The following PPP2R5B variants were observed in gnomAD, a reference collection of about 807,000 sequenced individuals.
PPP2R5B encodes serine/threonine-protein phosphatase 2A 56 kDa regulatory subunit beta isoform.
Under a neutral mutation model 59.9 loss-of-function variants are expected in PPP2R5B, and 19 were observed. The observed-to-expected ratio is 0.32, with a 90% CI of 0.22 to 0.47. PPP2R5B has a LOEUF of 0.47. Among genes scored for constraint, PPP2R5B ranks in the 20% least tolerant of loss-of-function variants. PPP2R5B has a pLI of 1.00. For synonymous variants in PPP2R5B, 286 were observed against 260.5 expected, an observed-to-expected ratio of 1.10 and a Z score of -0.94; for missense variants, 441 against 640.2, an observed-to-expected ratio of 0.69 and a Z score of 3.36.
At chr11:64,927,981 T>C in intron 4 of PPP2R5B, 78 bp downstream of exon 4, 4 of 1,567,752 alleles carry the variant, frequency 2.6e-6, no homozygotes, top group South Asian at 1.1e-5. Context: ...CCTTAGCCCC[T>C]AGACAGTTGG....
In PPP2R5B at chr11:64,925,246, GA is replaced by G. The variant is rs1432222084; in HGVS notation, c.-265+219del. ...ATTCTGAGTCGGGGCTGGCTTGGGG[GA>G]TAGGCCCTATTCTGGGAGGGGTTGT... On this transcript the variant is annotated intron_variant, in intron 1 of 13. Transcript: ENST00000164133. This position sits in a 1 kb window ranked among gnomAD's most constrained non-coding sequence, Gnocchi z 4.6. Among the ~76,000 whole-genome samples, 2 of 152,146 alleles carry G rather than the reference GA, an allele frequency of 1.3e-5. No homozygotes were observed. Among genetic ancestry groups the G allele is most frequent in the Non-Finnish European group, 2.9e-5 (2 of 68,004 alleles).
chr11:64,934,062 A>T lies in PPP2R5B; in HGVS notation c.*218A>T. 3.9e-6 allele frequency: 2 copies of T among 509,746 alleles called. No homozygotes were observed. Among genetic ancestry groups the T allele is most frequent in the African/African-American group, 4.0e-5 (2 of 50,584 alleles). 31.6% of individuals were successfully genotyped at this position (509,746 alleles called of 1,614,324 possible). On this transcript the variant is annotated 3_prime_UTR_variant, in exon 14 of 14. Coordinates refer to ENST00000164133, the MANE Select transcript of PPP2R5B (RefSeq NM_006244.4). ...CAGCCCCTCGTGGCAGGACTTGACA[A>T]GGGCAAGCTTGACCAGGAAGCTGCC...
chr11:64,931,566 G>A lies in PPP2R5B; in HGVS notation c.953G>A (p.Arg318Gln), dbSNP rs375513129. 8 of 1,613,742 alleles carry A rather than the reference G, an allele frequency of 5.0e-6. No homozygotes were observed. The highest frequency in any genetic ancestry group is 2.7e-5 in the African/African-American group (2 of 74,904). ...CTGTCTCATCTCCCACAGGTGATCC[G>A]GGGGCTGCTCAAATACTGGCCAAAA... The part of the protein sequence containing the change: ...KDATLTEHVI[R>Q]GLLKYWPKTC... The change falls in exon 10 of 14, where the codon CGG becomes CAG. Residue 318 changes from arginine to glutamine, a missense_variant. Arg to Gln is a conservative substitution (Grantham distance 43). Coordinates refer to ENST00000164133, the MANE Select transcript of PPP2R5B (RefSeq NM_006244.4). The surrounding 1 kb of genome is among the most constrained non-coding windows in gnomAD (Gnocchi z 5.0).
upstream of PPP2R5B, among the ~76,000 whole-genome samples, chr11:64,921,559 C>T (rs544899595): frequency 6.6e-6 from 1 of 152,284 alleles, no homozygotes; most frequent in South Asian, 2.1e-4. Flanking sequence ...AGAGGTGGCC[C>T]GGGGGCTGCG....
intron 1 of PPP2R5B, among the ~76,000 whole-genome samples, chr11:64,918,564 T>C (rs1298461496): frequency 6.6e-6 from 1 of 152,064 alleles, no homozygotes; most frequent in East Asian, 1.9e-4. Context: ...CTCCTGACCT[T>C]AGGTGATCAG....
At position 64,933,139 on chromosome 11, in the gene PPP2R5B, G is replaced by A; in HGVS notation, c.1245-6G>A. The A allele has an allele frequency of 6.2e-7, 1 of 1,605,880 alleles. No homozygotes were observed. The highest frequency in any genetic ancestry group is 8.5e-7 in the Non-Finnish European group (1 of 1,172,906). ...CATCTCCTCATCCCTCCTTGACACT[G>A]CCAAGAACCATCGTATCACTGATCT... On this transcript the variant is annotated splice_region_variant and splice_polypyrimidine_tract_variant and intron_variant, in intron 12 of 13. Transcript: ENST00000164133.
In PPP2R5B at chr11:64,928,354, G is replaced by GCCCC; in HGVS notation, c.652_653insCCCC (p.His218ProfsTer29). The GCCCC allele has an allele frequency of 6.2e-7, 1 of 1,614,222 alleles. No homozygotes were observed. The highest frequency in any genetic ancestry group is 8.5e-7 in the Non-Finnish European group (1 of 1,180,040). ...AGCGTGAGTACCTCAAGACCATCCT[G>GCCCC]CACCGGGTCTATGGCAAGTTCCTGG... On this transcript the variant is annotated frameshift_variant, in exon 6 of 14. Transcript: ENST00000164133. LOFTEE classifies it high-confidence loss of function.
chr11:64,927,945 A>G, intron 4 of PPP2R5B, 42 bp downstream of exon 4: 2 of 1,571,480 alleles, frequency 1.3e-6, no homozygotes, highest in South Asian at 1.1e-5. Flanking sequence ...GTTTCAGAAG[A>G]GATCCAAGGC....
chr11:64,926,389 A>G (rs1013066034), intron 2 of PPP2R5B, among the ~76,000 whole-genome samples: 2 of 152,206 alleles, frequency 1.3e-5, no homozygotes, highest in African/African-American at 4.8e-5. Context: ...CCCTTAGAAC[A>G]GGGTGCCACC....
chr11:64,930,199 C>T, intron 6 of PPP2R5B, 123 bp from the exon 7 acceptor site: 1 of 1,091,294 alleles, frequency 9.2e-7, no homozygotes, highest in South Asian at 1.3e-5. Flanking sequence ...GGGAGCGCAG[C>T]CTCTGGGTTG....
chr11:64,920,611 C>T (rs1188886512), upstream of PPP2R5B, among the ~76,000 whole-genome samples: 4 of 150,956 alleles, frequency 2.6e-5, no homozygotes, highest in Non-Finnish European at 4.4e-5. Context: ...AAGTCCCAAG[C>T]CCCACTTTAG....
At chr11:64,926,044 C>A in intron 2 of PPP2R5B, 111 bp downstream of exon 2, 3 of 1,132,756 alleles carry the variant, frequency 2.6e-6, no homozygotes, top group Non-Finnish European at 3.7e-6. Context: ...TTTGGATACC[C>A]CTCCAGGCTA....
chr11:64,920,037 CG>C (rs570783621), upstream of PPP2R5B, among the ~76,000 whole-genome samples: 2 of 151,038 alleles, frequency 1.3e-5, no homozygotes, highest in East Asian at 4.0e-4. Flanking sequence ...CACTTGATCC[CG>C]GGGGGCAGAG....
chr11:64,920,071 C>T (rs548279186), upstream of PPP2R5B, among the ~76,000 whole-genome samples: 1 of 152,068 alleles, frequency 6.6e-6, no homozygotes, highest in Non-Finnish European at 1.5e-5. Flanking sequence ...TGAGATTGCA[C>T]CACTGCACTC....
At chr11:64,932,300 T>C (rs552747031) in intron 11 of PPP2R5B, among the ~76,000 whole-genome samples, 5 of 152,330 alleles carry the variant, frequency 3.3e-5, no homozygotes, top group African/African-American at 9.6e-5. Context: ...CCAACCCAGC[T>C]AACTAACTCA....
In PPP2R5B at chr11:64,928,428, G is replaced by A. The variant is rs539939898; in HGVS notation, c.722+3G>A. ...CAGTGCAACCACATCTTCCTCCGGT[G>A]AGTGGCTGCTGCCTGCCCAGCAGAG... On this transcript the variant is annotated splice_donor_region_variant and intron_variant, in intron 6 of 13. Coordinates refer to ENST00000164133, the MANE Select transcript of PPP2R5B (RefSeq NM_006244.4). 3 of 1,614,156 alleles carry A rather than the reference G, an allele frequency of 1.9e-6. No homozygotes were observed. The highest frequency in any genetic ancestry group is 2.5e-6 in the Non-Finnish European group (3 of 1,179,988).
At chr11:64,927,044 G>T in intron 3 of PPP2R5B, 136 bp downstream of exon 3, 1 of 988,152 alleles carries the variant, frequency 1.0e-6, no homozygotes, top group Non-Finnish European at 1.5e-6. Context: ...CCTTCCCCCC[G>T]ACCTGCTGCT....
Position 64,933,774 on chromosome 11 carries a change from C to T in PPP2R5B, c.1424C>T (p.Thr475Ile), listed in dbSNP as rs1295564192. The change falls in exon 14 of 14, where the codon ACC (threonine) becomes ATC (isoleucine). Residue 475 changes from threonine to isoleucine, a missense_variant. By Grantham distance (89) the Thr-to-Ile change is moderately conservative. Transcript: ENST00000164133. The part of the protein sequence containing the change: ...EELRLRRLQG[T>I]QGAKEAPLQR... ...CTGCGGCTACGCCGGCTACAGGGGACCCAGGGGGCCAAGGAGGCCCCCCTC... is the reference window on the plus strand; with the variant it reads ...CTGCGGCTACGCCGGCTACAGGGGATCCAGGGGGCCAAGGAGGCCCCCCTC... 4 of 1,554,712 alleles carry T rather than the reference C, an allele frequency of 2.6e-6. No individual in the cohort carries two copies. The highest frequency in any genetic ancestry group is 3.9e-5 in the Admixed American group (2 of 51,344).
chr11:64,919,454 A>T lies in PPP2R5B; in HGVS notation c.-265+1814A>T, dbSNP rs537690012. Among the ~76,000 whole-genome samples, 5 of 152,058 alleles carry T rather than the reference A, an allele frequency of 3.3e-5. No individual in the cohort carries two copies. In the South Asian group the frequency reaches 1.0e-3, roughly 32 times the overall value. On this transcript the variant is annotated intron_variant, in intron 1 of 4. Coordinates refer to the PPP2R5B transcript ENST00000526559. Reference sequence around the variant, plus strand: ...CCAACTGATTATTACATTAATAATAATATACCGGGTTGGGTTGCTCACTCC... The same window carrying T: ...CCAACTGATTATTACATTAATAATATTATACCGGGTTGGGTTGCTCACTCC...
Sources: gnomAD v4.1 joint callset for allele counts (sites outside exome capture counted in the v4.1 genomes callset) on GRCh38, gnomAD v4.1.1 for gene constraint, Gnocchi (gnomAD v3.1) non-coding constraint, MANE v1.5 for transcripts, NCBI Gene and HGNC (gene_info 2026-07-23, HGNC 2026-07-21) for gene names.